Variants in ZNF320 observed in about 807,000 individuals in gnomAD.
ZNF320 encodes zinc finger protein 320, also known as zinc finger gene 320.
ZNF320 carries 2 observed loss-of-function variants against 6.8 expected under a neutral mutation model. The ratio of observed to expected loss-of-function variants is 0.29; its 90% CI spans 0.12 to 0.93. ZNF320 has a LOEUF of 0.93. Among genes scored for constraint, ZNF320 ranks in the 40% least tolerant of loss-of-function variants. The probability of loss-of-function intolerance (pLI) is 0.55; values close to 1 mark genes in which losing one functional copy is unlikely to be tolerated. For synonymous variants in ZNF320, 208 were observed against 203.2 expected (o/e 1.02, Z -0.20); for missense variants, 472 against 611.0 (o/e 0.77, Z 2.40).
At chr19:52,901,952 T>C (rs1318182211), upstream of ZNF320, among the ~76,000 whole-genome samples, 1 of 151,814 alleles carries the variant, frequency 6.6e-6, no homozygotes, top group Non-Finnish European at 1.5e-5. Context: ...GTGCAAAGAG[T>C]TTTGTCAGGT....
At position 52,890,207 on chromosome 19, in the gene ZNF320, G is replaced by C. The variant is rs562149767; in HGVS notation, c.15+34C>G. The stretch of plus-strand genomic sequence containing the variant: ...AGGCGCCAGCATTTCTGAAAGGAAG[G>C]AGACAGAACAATCCACCGAGAATAT... On this transcript the variant is annotated intron_variant, in intron 4 of 5. Transcript: ENST00000682928. 11 of 1,604,330 alleles carry C rather than the reference G, an allele frequency of 6.9e-6. No homozygotes were observed. The East Asian group carries it at 2.5e-4, about 36-fold the overall frequency.
At chr19:52,897,884 G>A (rs1407344517), upstream of ZNF320, among the ~76,000 whole-genome samples, 3 of 152,160 alleles carry the variant, frequency 2.0e-5, no homozygotes, top group Non-Finnish European at 4.4e-5. Flanking sequence ...GGCGAGAAGC[G>A]GGTGGGTCCT....
chr19:52,897,125 T>A (rs1346146576), intron 1 of ZNF320, among the ~76,000 whole-genome samples: 1 of 152,176 alleles, frequency 6.6e-6, no homozygotes, highest in Non-Finnish European at 1.5e-5. Context: ...CTCCCCTCTG[T>A]GGAGTGCTTT....
chr19:52,874,003 C>A, downstream of ZNF320: 1 of 465,992 alleles, frequency 2.1e-6, no homozygotes, highest in Non-Finnish European at 4.3e-6. Flanking sequence ...TGAGGAAGAG[C>A]CATCCCTGGC....
upstream of ZNF320, among the ~76,000 whole-genome samples, chr19:52,901,626 G>A (rs911132188): frequency 1.3e-5 from 2 of 152,134 alleles, no homozygotes; most frequent in African/African-American, 2.4e-5. Flanking sequence ...GCGGGGTTAG[G>A]GTGTTGCAAA....
intron 2 of ZNF320, among the ~76,000 whole-genome samples, chr19:52,893,204 G>A (rs1188372227): frequency 2.0e-5 from 3 of 152,060 alleles, no homozygotes; most frequent in Non-Finnish European, 2.9e-5. Context: ...TCCAGGGGCT[G>A]GCACTGGGCA....
intron 5 of ZNF320, among the ~76,000 whole-genome samples, chr19:52,869,905 A>T (rs1354754279): frequency 6.6e-6 from 1 of 151,652 alleles, no homozygotes; most frequent in Non-Finnish European, 1.5e-5. Context: ...TTCATTAGAG[A>T]TGGGGTTTCA....
intron 5 of ZNF320, among the ~76,000 whole-genome samples, chr19:52,885,378 C>T (rs1366303250): frequency 2.0e-5 from 3 of 151,870 alleles, no homozygotes; most frequent in Non-Finnish European, 2.9e-5. Context: ...GTCAAGGGTT[C>T]GAGACCAGCC....
chr19:52,863,930 CA>C, exon 6 of ZNF320: 1 of 374,432 alleles, frequency 2.7e-6, no homozygotes, highest in Non-Finnish European at 5.1e-6. Flanking sequence ...CTGTGTACAT[CA>C]AAAGCACGTA....
chr19:52,897,779 GA>G (rs555247135), upstream of ZNF320: 49 of 152,400 alleles, frequency 3.2e-4, 1 homozygote, highest in East Asian at 9.7e-4. Flanking sequence ...GATGAGACGC[GA>G]AGAGGTGGGC....
At chr19:52,874,971 A>T (rs1016103678), downstream of ZNF320, among the ~76,000 whole-genome samples, 2 of 152,140 alleles carry the variant, frequency 1.3e-5, no homozygotes, top group Admixed American at 1.3e-4. Flanking sequence ...CAGGCAGGAG[A>T]TGAAGTCAGA....
intron 3 of ZNF320, 25 bp from the exon 4 acceptor site, chr19:52,890,353 AT>A: frequency 6.8e-7 from 1 of 1,477,700 alleles, no homozygotes; most frequent in Non-Finnish European, 9.2e-7. Flanking sequence ...TATGTTGTTT[AT>A]CACTGAGAAT....
At chr19:52,875,977 G>GCA (rs2063758385), downstream of ZNF320, among the ~76,000 whole-genome samples, 1 of 152,204 alleles carries the variant, frequency 6.6e-6, no homozygotes, top group Non-Finnish European at 1.5e-5. Context: ...AAGAGAGGCA[G>GCA]TGGTACAAAT....
chr19:52,862,705 T>G (rs1375780857), exon 6 of ZNF320: 2 of 522,378 alleles, frequency 3.8e-6, no homozygotes, highest in Middle Eastern at 3.4e-4. Flanking sequence ...CAGTATGTTC[T>G]GCAAGGAGTG....
intron 4 of ZNF320, among the ~76,000 whole-genome samples, chr19:52,889,613 G>C (rs1283936956): frequency 6.6e-6 from 1 of 152,122 alleles, no homozygotes; most frequent in Non-Finnish European, 1.5e-5. Flanking sequence ...GTCTCCATGA[G>C]CGTAATGTGC....
intron 3 of ZNF320, 43 bp downstream of exon 3, chr19:52,891,186 C>T (rs2064277684): frequency 6.6e-6 from 1 of 151,712 alleles, no homozygotes; most frequent in African/African-American, 2.4e-5. Flanking sequence ...AACAAAACTA[C>T]AAATACAAAA....
At position 52,880,761 on chromosome 19, in the gene ZNF320, G is replaced by C. The variant is rs2063890308; in HGVS notation, c.1365C>G (p.His455Gln). 6 of 1,613,762 alleles carry C rather than the reference G, an allele frequency of 3.7e-6. No individual in the cohort carries two copies. Among genetic ancestry groups the C allele is most frequent in the Non-Finnish European group, 5.1e-6 (6 of 1,179,862 alleles). ...DCGKAFNSPS[H>Q]LIRHQRIHTG... Reference sequence around the variant, plus strand: ...TATGGATTCTCTGATGCCTAATAAGGTGTGAAGGTGAATTAAAGGCTTTAC... The same window carrying C: ...TATGGATTCTCTGATGCCTAATAAGCTGTGAAGGTGAATTAAAGGCTTTAC... The change falls in exon 6 of 6, where the codon CAC becomes CAG. Residue 455 changes from histidine to glutamine, a missense_variant. Around this residue, in one of 2 missense-constraint regions of ZNF320, gnomAD observed 462 missense variants for 559.7 expected, o/e 0.83. Transcript: ENST00000682928.
At chr19:52,872,825 T>C (rs1477788586), downstream of ZNF320, among the ~76,000 whole-genome samples, 1 of 152,156 alleles carries the variant, frequency 6.6e-6, no homozygotes, top group East Asian at 1.9e-4. Flanking sequence ...TTGATCACTA[T>C]CTCTACTATC....
At chr19:52,886,966 A>G (rs199979660) in intron 5 of ZNF320, among the ~76,000 whole-genome samples, 9 of 78,630 alleles carry the variant, frequency 1.1e-4, no homozygotes, top group East Asian at 7.9e-4. Flanking sequence ...AGAAAGAAAG[A>G]AAAGAAAGAA....
Sources: gnomAD v4.1 joint callset for allele counts (sites outside exome capture counted in the v4.1 genomes callset) on GRCh38, gnomAD v4.1.1 for gene constraint, gnomAD v4.1.1 regional missense constraint, MANE v1.5 for transcripts, NCBI Gene and HGNC (gene_info 2026-07-23, HGNC 2026-07-21) for gene names.